The following ZMYM2 variants were observed in gnomAD, a reference collection of about 807,000 sequenced individuals.
ZMYM2 encodes the protein zinc finger MYM-type protein 2.
ZMYM2 carries 56 observed loss-of-function variants against 162.8 expected under a neutral mutation model. The ratio of observed to expected loss-of-function variants is 0.34; its 90% CI spans 0.28 to 0.43. The LOEUF (loss-of-function observed/expected upper bound fraction) is 0.43, where lower values mean the gene tolerates loss of function less well. ZMYM2 is among the 20% of genes least tolerant of loss of function. The pLI, the probability that ZMYM2 is intolerant of heterozygous loss-of-function variation, is 1.00. For synonymous variants in ZMYM2, 510 were observed against 541.6 expected, an observed-to-expected ratio of 0.94 and a Z score of 0.81; for missense variants, 1,275 against 1,621.8, an observed-to-expected ratio of 0.79 and a Z score of 3.67.
chr13:19,898,287 C>T, the ZMYM2 span, among the ~76,000 whole-genome samples: 12,515 of 150,710 alleles, frequency 0.083, 562 homozygotes, highest in Middle Eastern at 0.12. Flanking sequence ...GGCTGGAGTG[C>T]AGTGGCACGA....
At chr13:19,979,725 A>G (rs1957138657) in intron 2 of ZMYM2, among the ~76,000 whole-genome samples, 1 of 152,206 alleles carries the variant, frequency 6.6e-6, no homozygotes, top group African/African-American at 2.4e-5. Flanking sequence ...CCAAGAACAT[A>G]GTATGCTATT....
At chr13:20,050,663 T>A (rs962371041) in intron 12 of ZMYM2, among the ~76,000 whole-genome samples, 1 of 151,968 alleles carries the variant, frequency 6.6e-6, no homozygotes, top group Non-Finnish European at 1.5e-5. Context: ...ATGGGCAAAA[T>A]CTAGGGAAAT....
intron 21 of ZMYM2, among the ~76,000 whole-genome samples, chr13:20,074,543 CTTT>C (rs113280014): frequency 1.4e-5 from 2 of 143,024 alleles, no homozygotes; most frequent in Admixed American, 7.1e-5. Flanking sequence ...GGCTTCCTTC[CTTT>C]TTTTTTTTTT....
chr13:20,045,298 AGTTAAGAGCTGTAAAGTAATTCCCAAGTT>A (rs1954667973), intron 12 of ZMYM2, among the ~76,000 whole-genome samples: 1 of 152,178 alleles, frequency 6.6e-6, no homozygotes. Flanking sequence ...ATGCTTTCCA[AGTTAAGAGCTGTAAAGTAATTCCCAAGTT>A]GTTAAGAGCT....
chr13:19,991,381 A>G lies in ZMYM2; in HGVS notation c.-10-1682A>G, dbSNP rs570639349. On this transcript the variant is annotated intron_variant, in intron 2 of 24. Transcript: ENST00000610343. ...GCAGTCCTCCCACCTCAGCCTCCCAAAATGCTAGGATTACAGGTATGAGCC... is the reference window on the plus strand; with the variant it reads ...GCAGTCCTCCCACCTCAGCCTCCCAGAATGCTAGGATTACAGGTATGAGCC... Among the ~76,000 whole-genome samples the G allele has an allele frequency of 1.9e-4, 29 of 151,960 alleles. No homozygotes were observed. In the South Asian group the frequency reaches 5.8e-3, roughly 31 times the overall value.
chr13:19,945,124 G>T, the ZMYM2 span, among the ~76,000 whole-genome samples: 1 of 152,116 alleles, frequency 6.6e-6, no homozygotes, highest in Non-Finnish European at 1.5e-5. Context: ...AACTAAATTT[G>T]AAGTTGGTTA....
At chr13:20,075,699 T>TTTTTTA (rs1274606253) in intron 21 of ZMYM2, among the ~76,000 whole-genome samples, 1 of 49,656 alleles carries the variant, frequency 2.0e-5, no homozygotes, top group African/African-American at 6.3e-5. Flanking sequence ...TTTTTTTTTT[T>TTTTTTA]TTTGGAGACA....
At chr13:20,009,760 G>A (rs1000564753) in intron 6 of ZMYM2, among the ~76,000 whole-genome samples, 3 of 152,134 alleles carry the variant, frequency 2.0e-5, no homozygotes, top group African/African-American at 7.2e-5. Flanking sequence ...ACTTTTTATG[G>A]CTGAATAGTA....
At chr13:20,073,637 A>G (rs1957251983) in intron 21 of ZMYM2, among the ~76,000 whole-genome samples, 1 of 152,234 alleles carries the variant, frequency 6.6e-6, no homozygotes, top group African/African-American at 2.4e-5. Flanking sequence ...TAGTTTACTT[A>G]CATCACGAAT....
chr13:20,066,998 GTAT>G lies in ZMYM2; in HGVS notation c.3283_3285del (p.Leu1095del). ...TAGGCAACTTGATGAAGATCTTCTG[GTAT>G]TAGATGAGTTAAAATCTTGTAAGTG... On this transcript the variant is annotated inframe_deletion, in exon 20 of 25. Transcript: ENST00000610343. 3 of 1,607,742 alleles carry G rather than the reference GTAT, an allele frequency of 1.9e-6. No homozygotes were observed. Among genetic ancestry groups the G allele is most frequent in the Non-Finnish European group, 2.5e-6 (3 of 1,177,772 alleles).
In ZMYM2 at chr13:20,002,894, C is replaced by A; in HGVS notation, c.892C>A (p.Gln298Lys). 1 of 1,614,140 alleles carries A rather than the reference C, an allele frequency of 6.2e-7. No individual in the cohort carries two copies. Among genetic ancestry groups the A allele is most frequent in the Admixed American group, 1.7e-5 (1 of 60,018 alleles). ...AGCTTCATTTCCCCGTAATCAGAAA[C>A]AACCAGGGGTGGACTCTTTATCACC... ...QSASFPRNQKQPGVDSLSPVA... is the reference protein window; with the variant it reads ...QSASFPRNQKKPGVDSLSPVA... Residue 298 changes from glutamine (Q) to lysine (K), a missense_variant, in exon 4 of 25, where the codon CAA becomes AAA. Gln to Lys is a moderately conservative substitution (Grantham distance 53). This residue lies in a region of ZMYM2 where 115 missense variants were observed against 175.3 expected (regional missense o/e 0.66). Coordinates refer to ENST00000610343, the MANE Select transcript of ZMYM2 (RefSeq NM_197968.4).
chr13:20,083,227 T>C (rs1180057876), intron 23 of ZMYM2, among the ~76,000 whole-genome samples, 195 bp downstream of exon 23: 1 of 152,104 alleles, frequency 6.6e-6, no homozygotes, highest in Non-Finnish European at 1.5e-5. Context: ...CATGCCTGGC[T>C]AACTTTGTAT....
chr13:19,885,844 T>C, the ZMYM2 span, among the ~76,000 whole-genome samples: 108 of 39,116 alleles, frequency 2.8e-3, no homozygotes, highest in African/African-American at 4.8e-3. Context: ...TGAAACTCTG[T>C]CTCAAAAAAA....
chr13:20,020,670 G>A (rs542191810), intron 7 of ZMYM2, among the ~76,000 whole-genome samples: 1 of 151,662 alleles, frequency 6.6e-6, no homozygotes, highest in Non-Finnish European at 1.5e-5. Context: ...TATTGTTTTT[G>A]TACTGTTTTG....
At chr13:19,876,779 C>G in the ZMYM2 span, among the ~76,000 whole-genome samples, 1 of 152,190 alleles carries the variant, frequency 6.6e-6, no homozygotes, top group Non-Finnish European at 1.5e-5. Context: ...AAAAGTGAAG[C>G]TCTGTACCTA....
the ZMYM2 span, among the ~76,000 whole-genome samples, chr13:19,930,936 G>C: frequency 5.3e-5 from 8 of 150,566 alleles, no homozygotes; most frequent in Admixed American, 1.3e-4. Context: ...TCAGGAGATC[G>C]AGACCATCCT....
At chr13:20,007,243 C>T (rs188772695) in intron 6 of ZMYM2, among the ~76,000 whole-genome samples, 1 of 152,132 alleles carries the variant, frequency 6.6e-6, no homozygotes, top group South Asian at 2.1e-4. Flanking sequence ...TCAAGTGATT[C>T]TCCTGCCTCA....
chr13:19,902,824 A>T, the ZMYM2 span, among the ~76,000 whole-genome samples: 6 of 151,854 alleles, frequency 4.0e-5, no homozygotes, highest in Non-Finnish European at 2.9e-5. Context: ...ACCAGCCTGG[A>T]CAACAATAGG....
the ZMYM2 span, among the ~76,000 whole-genome samples, chr13:19,890,848 G>T: frequency 2.3e-3 from 355 of 151,362 alleles, 8 homozygotes; most frequent in African/African-American, 8.2e-3. Flanking sequence ...CTCCAGCCTG[G>T]GCAACAGAGC....
Sources: gnomAD v4.1 joint callset for allele counts (sites outside exome capture counted in the v4.1 genomes callset) on GRCh38, gnomAD v4.1.1 for gene constraint, gnomAD v4.1.1 regional missense constraint, MANE v1.5 for transcripts, NCBI Gene and HGNC (gene_info 2026-07-23, HGNC 2026-07-21) for gene names.